PDXK: variants seen among roughly 807,000 people sequenced by gnomAD.
PDXK encodes the protein pyridoxal kinase, also known as epididymis secretory sperm binding protein Li 1a.
In PDXK, 15 loss-of-function variants were observed where a neutral mutation model predicts 43.2. That is an observed-to-expected ratio of 0.35 (90% CI 0.23 to 0.53). The LOEUF (loss-of-function observed/expected upper bound fraction) is 0.53. Ranked by LOEUF, PDXK falls within the 20% of genes least tolerant of loss-of-function variation. The probability of loss-of-function intolerance (pLI) is 0.92; values close to 1 mark genes in which losing one functional copy is unlikely to be tolerated. For missense variants in PDXK, 343 were observed against 417.0 expected (o/e 0.82, Z 1.54); for synonymous variants, 172 against 165.4 (o/e 1.04, Z -0.31).
chr21:43,739,700 C>A (rs2083461086), intron 2 of PDXK, among the ~76,000 whole-genome samples: 1 of 151,740 alleles, frequency 6.6e-6, no homozygotes, highest in African/African-American at 2.4e-5. Flanking sequence ...CCAGGTCCCT[C>A]CCACAACATG....
At position 43,734,634 on chromosome 21, in the gene PDXK, G is replaced by T. The variant is rs963572334; in HGVS notation, c.142+511G>T. ...TCTCTGTTAACAGCAGTGCTGCAGG[G>T]CCCCGTGTGTGCCTCTGTCTCCCTG... On this transcript the variant is annotated intron_variant, in intron 2 of 10. Coordinates refer to ENST00000291565, the MANE Select transcript of PDXK (RefSeq NM_003681.5). This position sits in a 1 kb window ranked among gnomAD's most constrained non-coding sequence, Gnocchi z 5.0. Among the ~76,000 whole-genome samples, 1 of 152,136 alleles carries T rather than the reference G, an allele frequency of 6.6e-6. No homozygotes were observed. The highest frequency in any genetic ancestry group is 1.5e-5 in the Non-Finnish European group (1 of 68,024).
At position 43,723,209 on chromosome 21, in the gene PDXK, C is replaced by T. The variant is rs1243062220; in HGVS notation, c.87+3828C>T. Among the ~76,000 whole-genome samples the T allele has an allele frequency of 6.7e-6, 1 of 149,632 alleles. No homozygotes were observed. The highest frequency in any genetic ancestry group is 1.5e-5 in the Non-Finnish European group (1 of 67,668). Reference sequence around the variant, plus strand: ...TCACTCTGTCGCTCAGGCTGAAGTACAATGGAGCGATCTAGGCTCACTGCA... The same window carrying T: ...TCACTCTGTCGCTCAGGCTGAAGTATAATGGAGCGATCTAGGCTCACTGCA... On this transcript the variant is annotated intron_variant, in intron 1 of 10. Transcript: ENST00000291565. The surrounding 1 kb of genome is among the most constrained non-coding windows in gnomAD (Gnocchi z 4.1).
chr21:43,722,321 T>C (rs2083212641), intron 1 of PDXK, among the ~76,000 whole-genome samples: 7 of 152,232 alleles, frequency 4.6e-5, no homozygotes, highest in Admixed American at 4.6e-4. Context: ...CCTTCCTGGC[T>C]ATCAGTTCAG....
At chr21:43,753,321 C>T (rs550966979) in intron 8 of PDXK, among the ~76,000 whole-genome samples, 2 of 152,346 alleles carry the variant, frequency 1.3e-5, no homozygotes, top group South Asian at 2.1e-4. Flanking sequence ...TTCTTCACGC[C>T]GTCGTTACTC....
At position 43,728,909 on chromosome 21, in the gene PDXK, C is replaced by T. The variant is rs1434527415; in HGVS notation, c.88-5160C>T. On this transcript the variant is annotated intron_variant, in intron 1 of 10. Coordinates refer to ENST00000291565, the MANE Select transcript of PDXK (RefSeq NM_003681.5). ...AGTTGCGACCCTTTCTAAGCCATCC[C>T]ACTGGCCTGGACTCTGCTGGGATTA... The T allele has an allele frequency of 5.1e-6, 5 of 985,416 alleles. No individual in the cohort carries two copies. In the African/African-American group the frequency reaches 7.0e-5, roughly 14 times the overall value. 61.0% of individuals were successfully genotyped at this position (985,416 alleles called of 1,614,324 possible).
Position 43,734,121 on chromosome 21 carries a change from C to T in PDXK, c.140C>T (p.Thr47Ile). 1.2e-6 allele frequency: 2 copies of T among 1,613,912 alleles called. No homozygotes were observed. ...AVNSVQFSNHTGYAHWKGQVL... is the reference protein window; with the variant it reads ...AVNSVQFSNHIGYAHWKGQVL... ...AACTCTGTCCAGTTTTCAAACCACA[C>T]AGGTAAGGCGTTGGCTCCAGCAGCT... Residue 47 changes from threonine to isoleucine, a missense_variant and splice_region_variant, in exon 2 of 11, where the codon ACA (threonine) becomes ATA (isoleucine). Thr to Ile is a moderately conservative substitution (Grantham distance 89). Coordinates refer to ENST00000291565, the MANE Select transcript of PDXK (RefSeq NM_003681.5). The surrounding 1 kb of genome is among the most constrained non-coding windows in gnomAD (Gnocchi z 5.0).
At position 43,737,224 on chromosome 21, in the gene PDXK, T is replaced by A. The variant is rs1465664668; in HGVS notation, c.142+3101T>A. On this transcript the variant is annotated intron_variant, in intron 2 of 10. Coordinates refer to ENST00000291565, the MANE Select transcript of PDXK (RefSeq NM_003681.5). This position sits in a 1 kb window ranked among gnomAD's most constrained non-coding sequence, Gnocchi z 4.8. ...TGCGTTGTTGGTTCCCTGACGCCCTTCAGGCTGGGGGGTGGGAAAGCCGAT... is the reference window on the plus strand; with the variant it reads ...TGCGTTGTTGGTTCCCTGACGCCCTACAGGCTGGGGGGTGGGAAAGCCGAT... 4.9e-6 allele frequency: 7 copies of A among 1,432,324 alleles called. No homozygotes were observed. The Admixed American group carries it at 8.3e-5, about 17-fold the overall frequency. 88.7% of individuals were successfully genotyped at this position (1,432,324 alleles called of 1,614,324 possible). A position where few individuals can be genotyped will look rare whatever the true frequency, so the allele number is the denominator to read the frequency against.
chr21:43,720,808 G>T (rs1157987165), intron 1 of PDXK, among the ~76,000 whole-genome samples: 2 of 152,190 alleles, frequency 1.3e-5, no homozygotes, highest in Non-Finnish European at 2.9e-5. Context: ...GGGGCTCTGA[G>T]GACAGCGTCC....
rs1386288192 is a variant in PDXK, at chr21:43,732,442, G to C, written c.88-1627G>C. Reference sequence around the variant, plus strand: ...CTGATGAATAAGCTGATTTTGATGGGGTGTGTGAAACGGAGATGCCAGCCC... The same window carrying C: ...CTGATGAATAAGCTGATTTTGATGGCGTGTGTGAAACGGAGATGCCAGCCC... On this transcript the variant is annotated intron_variant, in intron 1 of 10. Coordinates refer to ENST00000291565, the MANE Select transcript of PDXK (RefSeq NM_003681.5). This position sits in a 1 kb window ranked among gnomAD's most constrained non-coding sequence, Gnocchi z 4.1. 3 of 1,612,666 alleles carry C rather than the reference G, an allele frequency of 1.9e-6. No homozygotes were observed. The highest frequency in any genetic ancestry group is 3.3e-5 in the Admixed American group (2 of 60,022).
rs1041023636 is a variant in PDXK at position 43,758,702 on chromosome 21, C to T, written c.*2639C>T. ...TTCACTTTCCATAGTTAATAACATGCAAAATAATGAGAAGAATTTATTTTA... is the reference window on the plus strand; with the variant it reads ...TTCACTTTCCATAGTTAATAACATGTAAAATAATGAGAAGAATTTATTTTA... On this transcript the variant is annotated 3_prime_UTR_variant, in exon 11 of 11. Transcript: ENST00000291565. The T allele has an allele frequency of 6.5e-6, 1 of 153,010 alleles. No homozygotes were observed. The highest frequency in any genetic ancestry group is 6.5e-5 in the Admixed American group (1 of 15,280). The allele number at this position is 153,010 out of a possible 1,614,324, so 9.5% of individuals were successfully genotyped here.
At chr21:43,727,066 C>G (rs1273715420) in intron 1 of PDXK, among the ~76,000 whole-genome samples, 1 of 152,178 alleles carries the variant, frequency 6.6e-6, no homozygotes, top group Non-Finnish European at 1.5e-5. Context: ...AAGTGACTTC[C>G]TTCCTAGGAG....
At chr21:43,744,985 C>T (rs993161323) in intron 4 of PDXK, among the ~76,000 whole-genome samples, 2 of 152,198 alleles carry the variant, frequency 1.3e-5, no homozygotes, top group Non-Finnish European at 2.9e-5. Context: ...GGACATGATG[C>T]TTAGTGAAAG....
intron 5 of PDXK, chr21:43,748,426 G>C (rs544692336): frequency 3.3e-5 from 5 of 152,294 alleles, no homozygotes; most frequent in African/African-American, 7.2e-5. Flanking sequence ...GGTGGAGGTC[G>C]CAGTGAGCCA....
intron 1 of PDXK, among the ~76,000 whole-genome samples, chr21:43,722,686 T>C (rs901234752): frequency 2.6e-5 from 4 of 151,944 alleles, no homozygotes; most frequent in African/African-American, 9.7e-5. Flanking sequence ...CTTCTGGGGC[T>C]CACGGCCGAA....
chr21:43,732,357 TTGTC>T lies in PDXK; in HGVS notation c.88-1709_88-1706del, dbSNP rs1194106887. 6.2e-6 allele frequency: 10 copies of T among 1,610,396 alleles called. No homozygotes were observed. The highest frequency in any genetic ancestry group is 1.7e-5 in the Admixed American group (1 of 59,976). On this transcript the variant is annotated intron_variant, in intron 1 of 10. Transcript: ENST00000291565. The surrounding 1 kb of genome is among the most constrained non-coding windows in gnomAD (Gnocchi z 4.1). ...GCATTGTCGTCTTCTGAGTCTGGCT[TTGTC>T]TGGCACATGAAGTTGGATGGGTAGA... is the stretch of plus-strand genomic sequence containing the variant.
At chr21:43,733,261 C>G (rs1446542853) in intron 1 of PDXK, among the ~76,000 whole-genome samples, 1 of 113,590 alleles carries the variant, frequency 8.8e-6, no homozygotes, top group Admixed American at 8.5e-5. Flanking sequence ...CCACCCCCCC[C>G]CCCGCCCCCC....
At chr21:43,750,908 ACGCATGTG>A (rs1178168864) in intron 7 of PDXK, among the ~76,000 whole-genome samples, 1 of 122,284 alleles carries the variant, frequency 8.2e-6, no homozygotes, top group East Asian at 2.8e-4. Flanking sequence ...ATGGGTGTGC[ACGCATGTG>A]TGCATGTGTG....
intron 1 of PDXK, among the ~76,000 whole-genome samples, chr21:43,731,345 A>C (rs1432295438): frequency 6.6e-6 from 1 of 152,220 alleles, no homozygotes; most frequent in Admixed American, 6.5e-5. Flanking sequence ...CTCCTGGATA[A>C]GAAGATCCTC....
intron 1 of PDXK, among the ~76,000 whole-genome samples, chr21:43,730,412 C>A (rs2083303458): frequency 6.6e-6 from 1 of 152,170 alleles, no homozygotes; most frequent in Admixed American, 6.5e-5. Context: ...AGGCGTGAGC[C>A]ACTGTGCCCA....
Sources: gnomAD v4.1 joint callset for allele counts (sites outside exome capture counted in the v4.1 genomes callset) on GRCh38, gnomAD v4.1.1 for gene constraint, Gnocchi (gnomAD v3.1) non-coding constraint, MANE v1.5 for transcripts, NCBI Gene and HGNC (gene_info 2026-07-23, HGNC 2026-07-21) for gene names.